Variants in ENOX1 observed in about 807,000 individuals in gnomAD.
ENOX1 encodes candidate growth-related and time keeping constitutive hydroquinone (NADH) oxidase.
ENOX1 carries 42 observed loss-of-function variants against 82.5 expected under a neutral mutation model. That is an observed-to-expected ratio of 0.51 (90% CI 0.40 to 0.66). The LOEUF (loss-of-function observed/expected upper bound fraction) is 0.66, where lower values mean the gene tolerates loss of function less well. Ranked by LOEUF, ENOX1 falls within the 30% of genes least tolerant of loss-of-function variation. The pLI is 0.00. For missense variants in ENOX1, 608 were observed against 811.6 expected (o/e 0.75, Z 3.05); for synonymous variants, 271 against 282.2 (o/e 0.96, Z 0.40).
chr13:43,563,823 A>G (rs1360604159), intron 2 of ENOX1, among the ~76,000 whole-genome samples: 2 of 152,168 alleles, frequency 1.3e-5, no homozygotes, highest in Non-Finnish European at 2.9e-5. Flanking sequence ...AAAGACAATC[A>G]GCAAGTAATG....
chr13:43,319,207 T>C (rs1593905738), intron 11 of ENOX1, among the ~76,000 whole-genome samples: 1 of 152,224 alleles, frequency 6.6e-6, no homozygotes. Flanking sequence ...TCAATAAATC[T>C]GTCATTATTT....
chr13:43,555,008 A>C (rs990697868), intron 2 of ENOX1, among the ~76,000 whole-genome samples: 11 of 152,254 alleles, frequency 7.2e-5, no homozygotes, highest in Non-Finnish European at 1.5e-4. Flanking sequence ...AATACAAAGT[A>C]GCTTTAAAAA....
At chr13:43,583,562 A>C (rs2080844602) in intron 2 of ENOX1, among the ~76,000 whole-genome samples, 1 of 152,196 alleles carries the variant, frequency 6.6e-6, no homozygotes, top group South Asian at 2.1e-4. Context: ...CCATCTGTCT[A>C]AACTTCCTCC....
chr13:43,604,159 T>G (rs963536054), intron 2 of ENOX1, among the ~76,000 whole-genome samples: 3 of 151,048 alleles, frequency 2.0e-5, no homozygotes, highest in African/African-American at 7.3e-5. Flanking sequence ...CATTTTTTCA[T>G]GTGTTTTTTG....
intron 4 of ENOX1, 31 bp downstream of exon 4, chr13:43,412,814 T>C (rs1424475907): frequency 1.2e-6 from 2 of 1,612,200 alleles, no homozygotes; most frequent in South Asian, 2.2e-5. Context: ...AAAATCCTTG[T>C]TTGTGTCCTG....
At chr13:43,643,707 A>G (rs1404437031) in intron 2 of ENOX1, among the ~76,000 whole-genome samples, 1 of 151,952 alleles carries the variant, frequency 6.6e-6, no homozygotes, top group Non-Finnish European at 1.5e-5. Context: ...ACATAAATAT[A>G]TATCAATATA....
chr13:43,677,412 G>A lies in ENOX1; in HGVS notation c.-284-9868C>T, dbSNP rs450379. On this transcript the variant is annotated intron_variant, in intron 1 of 16. Coordinates refer to ENST00000690772, the MANE Select transcript of ENOX1 (RefSeq NM_001347969.2). ...TGGTGCCACTATGAGACATCGTACA[G>A]GTGGCTCTGAGGCTGGAAGCAGGAG... 6.4e-3 allele frequency among the ~76,000 whole-genome samples: 971 copies of A among 152,286 alleles called. 9 individuals carry two copies. Among genetic ancestry groups the A allele is most frequent in the African/African-American group, 0.022 (923 of 41,560 alleles).
chr13:43,667,222 A>G (rs1452768045), intron 2 of ENOX1, among the ~76,000 whole-genome samples: 1 of 152,216 alleles, frequency 6.6e-6, no homozygotes, highest in Non-Finnish European at 1.5e-5. Context: ...AAAACTCTAT[A>G]GAAGTTGGAA....
chr13:43,749,852 A>T (rs972605485), intron 1 of ENOX1, among the ~76,000 whole-genome samples: 1 of 152,184 alleles, frequency 6.6e-6, no homozygotes, highest in Admixed American at 6.5e-5. Flanking sequence ...TTTACTTATG[A>T]GCTTTAAGAA....
chr13:43,687,659 T>C (rs1315131445), intron 1 of ENOX1, among the ~76,000 whole-genome samples: 1 of 152,132 alleles, frequency 6.6e-6, no homozygotes, highest in Non-Finnish European at 1.5e-5. Context: ...TACCCTACAG[T>C]GCATGCTATG....
intron 5 of ENOX1, among the ~76,000 whole-genome samples, chr13:43,387,244 G>GAGT (rs1265979271): frequency 6.6e-6 from 1 of 152,210 alleles, no homozygotes; most frequent in Non-Finnish European, 1.5e-5. Flanking sequence ...GGATGTAGGA[G>GAGT]AGTTACCTGG....
chr13:43,634,172 C>T (rs1249366826), intron 2 of ENOX1, among the ~76,000 whole-genome samples: 7 of 152,146 alleles, frequency 4.6e-5, no homozygotes, highest in Admixed American at 4.6e-4. Context: ...TGGGTTCCAT[C>T]CTATAGTGCA....
At chr13:43,527,804 C>A (rs1208991690) in intron 2 of ENOX1, among the ~76,000 whole-genome samples, 1 of 152,102 alleles carries the variant, frequency 6.6e-6, no homozygotes, top group Non-Finnish European at 1.5e-5. Flanking sequence ...CTGAATTTAT[C>A]TTTTCTGCTT....
At chr13:43,370,697 T>C (rs1363216056) in intron 5 of ENOX1, among the ~76,000 whole-genome samples, 1 of 152,188 alleles carries the variant, frequency 6.6e-6, no homozygotes, top group Non-Finnish European at 1.5e-5. Context: ...ATGGCACCAC[T>C]CCTCTCAGTC....
rs1278452505 is a variant in ENOX1, at chr13:43,586,330, C to CTAGG, written c.-219+81145_-219+81148dup. On this transcript the variant is annotated intron_variant, in intron 2 of 16. Coordinates refer to ENST00000690772, the MANE Select transcript of ENOX1 (RefSeq NM_001347969.2). The stretch of plus-strand genomic sequence containing the variant: ...ATATCTTTCACAGTTTGACACCTAC[C>CTAGG]TAGGCATCCAACTGTAATGTCTGCT... Among the ~76,000 whole-genome samples the CTAGG allele has an allele frequency of 3.9e-5, 6 of 152,220 alleles. No individual in the cohort carries two copies. In the East Asian group the frequency reaches 1.2e-3, roughly 29 times the overall value.
intron 2 of ENOX1, among the ~76,000 whole-genome samples, chr13:43,510,453 T>A (rs914999786): frequency 2.6e-5 from 4 of 152,250 alleles, no homozygotes; most frequent in Admixed American, 2.6e-4. Flanking sequence ...AATAAACACC[T>A]TGTAAATTTA....
At chr13:43,751,503 T>C (rs1042861218) in intron 1 of ENOX1, among the ~76,000 whole-genome samples, 1 of 152,192 alleles carries the variant, frequency 6.6e-6, no homozygotes, top group Non-Finnish European at 1.5e-5. Flanking sequence ...TTTCTAAAAC[T>C]TTTCCATGCC....
At chr13:43,378,969 G>T (rs1040934364) in intron 5 of ENOX1, among the ~76,000 whole-genome samples, 1 of 152,124 alleles carries the variant, frequency 6.6e-6, no homozygotes, top group African/African-American at 2.4e-5. Flanking sequence ...GAAGAGGGAG[G>T]CAGAAGAGAA....
chr13:43,450,414 G>C (rs1345272939), intron 3 of ENOX1, among the ~76,000 whole-genome samples: 1 of 152,154 alleles, frequency 6.6e-6, no homozygotes, highest in Non-Finnish European at 1.5e-5. Flanking sequence ...CAGATCAGGA[G>C]GTGACTGTCA....
Sources: allele counts gnomAD v4.1 joint callset (sites outside exome capture counted in the v4.1 genomes callset), GRCh38; gene constraint gnomAD v4.1.1; transcripts MANE v1.5; gene names NCBI Gene and HGNC (gene_info 2026-07-23, HGNC 2026-07-21).